The following ZNF407 variants were observed in gnomAD, a reference collection of about 807,000 sequenced individuals.
ZNF407 encodes zinc finger protein 407.
Under a neutral mutation model 131.2 loss-of-function variants are expected in ZNF407, and 17 were observed. That is an observed-to-expected ratio of 0.13 (90% CI 0.09 to 0.19). The LOEUF is 0.19. Ranked by LOEUF, ZNF407 falls within the 10% of genes least tolerant of loss-of-function variation. ZNF407 has a pLI of 1.00. For synonymous variants in ZNF407, 1,156 were observed against 1,062.0 expected (o/e 1.09, Z -1.72); for missense variants, 2,681 against 2,830.6 (o/e 0.95, Z 1.20).
Position 74,630,962 on chromosome 18 carries a change from C to G in ZNF407, c.-53-5C>G. The G allele has an allele frequency of 6.6e-7, 1 of 1,512,682 alleles. No homozygotes were observed. Among genetic ancestry groups the G allele is most frequent in the Non-Finnish European group, 8.8e-7 (1 of 1,137,690 alleles). 93.7% of individuals were successfully genotyped at this position (1,512,682 alleles called of 1,614,324 possible). Reference sequence around the variant, plus strand: ...GATTTAATACCATGTTTGTTTACTTCACAGGTTATGAGTGCCAGTGAGCCG... The same window carrying G: ...GATTTAATACCATGTTTGTTTACTTGACAGGTTATGAGTGCCAGTGAGCCG... On this transcript the variant is annotated splice_region_variant and splice_polypyrimidine_tract_variant and intron_variant, in intron 1 of 8. Transcript: ENST00000299687.
In ZNF407 at chr18:74,633,588, C is replaced by T; in HGVS notation, c.2569C>T (p.Leu857Phe). The change falls in exon 2 of 9, where the codon CTT (leucine) becomes TTT (phenylalanine). Residue 857 changes from leucine to phenylalanine, a missense_variant. Transcript: ENST00000299687. ...NISRTCSHCG[L>F]LASSITNLTV... is the part of the protein sequence containing the mutation. ...CTCACGGACGTGTTCACACTGTGGC[C>T]TTTTGGCCTCTAGTATTACAAACTT... 3 of 1,613,982 alleles carry T rather than the reference C, an allele frequency of 1.9e-6. No individual in the cohort carries two copies.
intron 5 of ZNF407, 56 bp from the exon 6 acceptor site, chr18:74,880,978 GAT>G: frequency 7.0e-7 from 1 of 1,427,070 alleles, no homozygotes; most frequent in Non-Finnish European, 9.7e-7. Context: ...AGCCTTGATA[GAT>G]ATGTTTTAAT....
At chr18:75,034,163 A>T (rs999056140) in intron 8 of ZNF407, among the ~76,000 whole-genome samples, 3 of 152,184 alleles carry the variant, frequency 2.0e-5, no homozygotes, top group Admixed American at 1.3e-4. Context: ...GCATATGTAG[A>T]TCTGATCAGA....
intron 4 of ZNF407, among the ~76,000 whole-genome samples, chr18:74,835,627 GGGGTGTGTGTGT>G (rs1162921717): frequency 2.6e-5 from 3 of 117,436 alleles, no homozygotes; most frequent in Non-Finnish European, 3.7e-5. Flanking sequence ...TGGACAGAGG[GGGGTGTGTGTGT>G]GTGTGTGTGT....
intron 4 of ZNF407, among the ~76,000 whole-genome samples, chr18:74,794,722 C>G (rs974658566): frequency 2.0e-5 from 3 of 152,074 alleles, no homozygotes; most frequent in African/African-American, 7.2e-5. Flanking sequence ...AACTTCATAA[C>G]TTCACCTTTT....
intron 8 of ZNF407, among the ~76,000 whole-genome samples, chr18:74,975,494 TTCTA>T (rs35977041): frequency 0.026 from 3,947 of 152,334 alleles, 65 homozygotes; most frequent in South Asian, 0.088. Flanking sequence ...GAAATTCTAC[TTCTA>T]TTTGAGCTTT....
intron 3 of ZNF407, among the ~76,000 whole-genome samples, chr18:74,652,613 A>G (rs544364728): frequency 1.4e-4 from 22 of 152,144 alleles, no homozygotes; most frequent in Non-Finnish European, 2.9e-5. Context: ...CTACTGGGGT[A>G]AGTTTTGTGA....
intron 4 of ZNF407, among the ~76,000 whole-genome samples, chr18:74,874,014 A>G (rs1455421436): frequency 2.0e-5 from 3 of 152,182 alleles, no homozygotes; most frequent in Admixed American, 6.5e-5. Flanking sequence ...AGAAACATCT[A>G]GTGAAGCCCA....
chr18:74,806,994 G>A (rs1017728363), intron 4 of ZNF407, among the ~76,000 whole-genome samples: 44 of 152,294 alleles, frequency 2.9e-4, no homozygotes, highest in African/African-American at 9.9e-4. Context: ...ACATTGTTAT[G>A]GCAGAACTGG....
intron 7 of ZNF407, among the ~76,000 whole-genome samples, chr18:74,918,044 CA>C (rs559623541): frequency 1.0e-4 from 15 of 150,470 alleles, no homozygotes; most frequent in Admixed American, 2.6e-4. Context: ...TTGAAGAATT[CA>C]AAAAAAAATT....
rs147002510 is a variant in ZNF407 at position 74,809,992 on chromosome 18, C to T, written c.4877+28490C>T. Among the ~76,000 whole-genome samples the T allele has an allele frequency of 3.9e-5, 6 of 152,268 alleles. No homozygotes were observed. The East Asian group carries it at 1.2e-3, about 29-fold the overall frequency. On this transcript the variant is annotated intron_variant, in intron 4 of 8. Coordinates refer to ENST00000299687, the MANE Select transcript of ZNF407 (RefSeq NM_017757.3). ...TGTGATGGTGCCTTTAACTGAGATG[C>T]AAAAGACTGTGAGAGGAACTCATTT...
intron 3 of ZNF407, among the ~76,000 whole-genome samples, chr18:74,714,134 G>A (rs866639756): frequency 5.3e-5 from 8 of 152,102 alleles, no homozygotes; most frequent in African/African-American, 1.7e-4. Context: ...AATTTGAATC[G>A]CTTATTATAA....
intron 1 of ZNF407, among the ~76,000 whole-genome samples, chr18:74,622,823 TGA>T (rs1295216613): frequency 2.1e-5 from 1 of 47,030 alleles, no homozygotes; most frequent in African/African-American, 5.4e-5. Context: ...TGTCTGAATG[TGA>T]GTACGTGTGA....
At chr18:74,920,975 A>T (rs1186712106) in intron 8 of ZNF407, 2 of 1,109,480 alleles carry the variant, frequency 1.8e-6, no homozygotes, top group Non-Finnish European at 2.2e-6. Flanking sequence ...TTGACCTGAA[A>T]TGAGAGTAGT....
At chr18:74,986,429 A>C (rs1349137336) in intron 8 of ZNF407, among the ~76,000 whole-genome samples, 2 of 152,238 alleles carry the variant, frequency 1.3e-5, no homozygotes, top group Non-Finnish European at 2.9e-5. Context: ...AATACTCCAA[A>C]GAAGCCATTT....
chr18:74,772,920 A>G (rs1437998399), intron 3 of ZNF407, among the ~76,000 whole-genome samples: 3 of 152,210 alleles, frequency 2.0e-5, no homozygotes, highest in Non-Finnish European at 4.4e-5. Context: ...ACAATTGATG[A>G]TGTATGAACA....
intron 4 of ZNF407, among the ~76,000 whole-genome samples, chr18:74,800,408 A>G (rs1316139155): frequency 2.0e-5 from 3 of 151,900 alleles, no homozygotes; most frequent in African/African-American, 7.2e-5. Flanking sequence ...ATTTTTTCCA[A>G]TAAACAAAAG....
chr18:75,049,570 A>T (rs967908372), intron 8 of ZNF407, among the ~76,000 whole-genome samples: 2 of 152,130 alleles, frequency 1.3e-5, no homozygotes, highest in African/African-American at 4.8e-5. Flanking sequence ...AGGTTTTTTT[A>T]ATAGGAGTCT....
In ZNF407 at chr18:74,603,117, T is replaced by C. The variant is rs535037097; in HGVS notation, c.-54+5180T>C. Among the ~76,000 whole-genome samples the C allele has an allele frequency of 5.3e-5, 8 of 152,326 alleles. No individual in the cohort carries two copies. In the South Asian group the frequency reaches 1.2e-3, roughly 24 times the overall value. On this transcript the variant is annotated intron_variant, in intron 1 of 8. Coordinates refer to ENST00000299687, the MANE Select transcript of ZNF407 (RefSeq NM_017757.3). ...ACTTGAAGAGTTTATTGTAAGGGCA[T>C]TGGGGAGCCAGTAATAGGTTCATGC...
Sources: gnomAD v4.1 joint callset for allele counts (sites outside exome capture counted in the v4.1 genomes callset) on GRCh38, gnomAD v4.1.1 for gene constraint, MANE v1.5 for transcripts, NCBI Gene and HGNC (gene_info 2026-07-23, HGNC 2026-07-21) for gene names.